The following ZNF473 variants were observed in gnomAD, a reference collection of about 807,000 sequenced individuals.
The protein encoded by ZNF473 is zinc finger protein 100 homolog.
Under a neutral mutation model 11.1 loss-of-function variants are expected in ZNF473, and 4 were observed. The observed-to-expected ratio is 0.36, with a 90% confidence interval of 0.18 to 0.82. The LOEUF (loss-of-function observed/expected upper bound fraction) is 0.82, where lower values mean the gene tolerates loss of function less well. Among genes scored for constraint, ZNF473 ranks in the 40% least tolerant of loss-of-function variants. The pLI, the probability that ZNF473 is intolerant of heterozygous loss-of-function variation, is 0.49. For missense variants in ZNF473, 854 were observed against 1,084.0 expected (o/e 0.79, Z 2.98); for synonymous variants, 404 against 390.4 (o/e 1.03, Z -0.41).
chr19:50,028,868 A>C (rs1190366110), intron 1 of ZNF473, among the ~76,000 whole-genome samples: 4 of 152,226 alleles, frequency 2.6e-5, no homozygotes, highest in Non-Finnish European at 5.9e-5. Context: ...TTAACCTCTG[A>C]CATGTAGAAA....
intron 2 of ZNF473, among the ~76,000 whole-genome samples, chr19:50,033,513 C>T (rs1042944659): frequency 2.0e-5 from 3 of 152,126 alleles, no homozygotes; most frequent in Non-Finnish European, 2.9e-5. Context: ...AACAGGATCC[C>T]CCTTGCTCGT....
At chr19:50,033,576 C>A (rs2077328971) in intron 2 of ZNF473, among the ~76,000 whole-genome samples, 1 of 152,182 alleles carries the variant, frequency 6.6e-6, no homozygotes, top group Non-Finnish European at 1.5e-5. Flanking sequence ...CAGGGTCTTA[C>A]TGCTGCTGTA....
intron 1 of ZNF473, among the ~76,000 whole-genome samples, chr19:50,027,599 A>C (rs2077293230): frequency 6.6e-6 from 1 of 152,136 alleles, no homozygotes; most frequent in African/African-American, 2.4e-5. Context: ...TCTCAAGCTC[A>C]GCTGTCTGTG....
Position 50,044,907 on chromosome 19 carries a change from G to A in ZNF473, c.464G>A (p.Gly155Glu), listed in dbSNP as rs753646052. The change falls in exon 5 of 5, where the codon GGA becomes GAA. Residue 155 changes from glycine to glutamate, a missense_variant. Physicochemically the swap from Gly to Glu is moderately conservative, Grantham distance 98. Transcript: ENST00000270617. ...TGCAAGAGTCATGAATTAAAGAGAG[G>A]ACTCAGTCCTGTGTCCACCGTTTCC... ...TECKSHELKR[G>E]LSPVSTVSTG... The A allele has an allele frequency of 3.8e-5, 62 of 1,614,076 alleles. No individual in the cohort carries two copies. Among genetic ancestry groups the A allele is most frequent in the Non-Finnish European group, 1.3e-5 (15 of 1,180,052 alleles).
Position 50,045,939 on chromosome 19 carries a change from A to G in ZNF473, c.1496A>G (p.Asn499Ser). Residue 499 changes from asparagine to serine, a missense_variant, in exon 5 of 5, where the codon AAC (asparagine) becomes AGC (serine). Asn to Ser is a conservative substitution (Grantham distance 46, BLOSUM62 1). Transcript: ENST00000270617. Reference sequence around the variant, plus strand: ...GAATGCAAGGAGACTTTCAGCGATAACAATCGCCTTGTGCAACACCAGAAA... The same window carrying G: ...GAATGCAAGGAGACTTTCAGCGATAGCAATCGCCTTGTGCAACACCAGAAA... Reference protein sequence around the residue: ...CAECKETFSDNNRLVQHQKMH... With the variant: ...CAECKETFSDSNRLVQHQKMH... 2 of 1,614,226 alleles carry G rather than the reference A, an allele frequency of 1.2e-6. No individual in the cohort carries two copies. The highest frequency in any genetic ancestry group is 1.7e-6 in the Non-Finnish European group (2 of 1,180,030).
chr19:50,046,873 G>A lies in ZNF473; in HGVS notation c.2430G>A (p.Gly810=). 1 of 1,614,190 alleles carries A rather than the reference G, an allele frequency of 6.2e-7. No individual in the cohort carries two copies. ...NLTQHQRIHT[G]EKPYSCNVCG... is the part of the protein sequence containing the mutation. The stretch of plus-strand genomic sequence containing the variant: ...CACAGCACCAGAGAATTCACACAGG[G>A]GAGAAGCCTTACTCCTGTAATGTGT... The change falls in exon 5 of 5, where the codon GGG becomes GGA. Residue 810 remains glycine (G), a synonymous_variant. Transcript: ENST00000270617. The surrounding 1 kb of genome is among the most constrained non-coding windows in gnomAD (Gnocchi z 5.9).
At position 50,039,179 on chromosome 19, in the gene ZNF473, G is replaced by A. The variant is rs774104311; in HGVS notation, c.28G>A (p.Asp10Asn). 1.9e-6 allele frequency: 3 copies of A among 1,614,134 alleles called. No homozygotes were observed. Among genetic ancestry groups the A allele is most frequent in the Middle Eastern group, 3.3e-4 (2 of 6,062 alleles). The part of the protein sequence containing the change: MAEEFVTLK[D>N]VGMDFTLGDW... ...GTTTCAGGAATTTGTGACCCTCAAG[G>A]ATGTCGGCATGGACTTCACCTTGGG... The change falls in exon 3 of 5, where the codon GAT (aspartate) becomes AAT (asparagine). Residue 10 changes from aspartate (D) to asparagine (N), a missense_variant. Physicochemically the swap from Asp to Asn is conservative, Grantham distance 23 (BLOSUM62 1). Coordinates refer to ENST00000270617, the MANE Select transcript of ZNF473 (RefSeq NM_015428.4). The surrounding 1 kb of genome is among the most constrained non-coding windows in gnomAD (Gnocchi z 4.8).
chr19:50,043,474 T>G, intron 4 of ZNF473: 1 of 132,236 alleles, frequency 7.6e-6, no homozygotes, highest in African/African-American at 2.7e-5. Flanking sequence ...TATATATATA[T>G]AGTCAGAGGG....
chr19:50,026,791 A>G (rs1317000683), intron 1 of ZNF473, among the ~76,000 whole-genome samples: 2 of 152,054 alleles, frequency 1.3e-5, no homozygotes, highest in African/African-American at 4.8e-5. Flanking sequence ...CAGTGAGCTG[A>G]GAAAGAAAAG....
intron 2 of ZNF473, among the ~76,000 whole-genome samples, chr19:50,036,057 A>C (rs78682540): frequency 0.052 from 7,930 of 151,914 alleles, 688 homozygotes; most frequent in African/African-American, 0.18. Context: ...CCTGGGCTCA[A>C]GTGATCCTCC....
chr19:50,040,844 TGTGTGCTAA>T (rs1479105694), intron 3 of ZNF473, among the ~76,000 whole-genome samples: 1 of 152,260 alleles, frequency 6.6e-6, no homozygotes, highest in African/African-American at 2.4e-5. Context: ...GACTGGCCAG[TGTGTGCTAA>T]GAAGCATCTC....
intron 4 of ZNF473, 42 bp downstream of exon 4, chr19:50,041,861 C>G (rs754259702): frequency 2.0e-6 from 3 of 1,515,952 alleles, no homozygotes; most frequent in Non-Finnish European, 2.7e-6. Flanking sequence ...CTTCTGTCTT[C>G]CAGACCTCCA....
At chr19:50,026,363 A>AGTT (rs2077275451) in intron 1 of ZNF473, among the ~76,000 whole-genome samples, 1 of 152,064 alleles carries the variant, frequency 6.6e-6, no homozygotes, top group Non-Finnish European at 1.5e-5. Flanking sequence ...TACAGCCAGG[A>AGTT]GTTCCTCGAA....
In ZNF473 at chr19:50,045,691, T is replaced by TA; in HGVS notation, c.1249dup (p.Thr417AsnfsTer19). The TA allele has an allele frequency of 6.2e-7, 1 of 1,614,132 alleles. No homozygotes were observed. The highest frequency in any genetic ancestry group is 1.1e-5 in the South Asian group (1 of 91,084). On this transcript the variant is annotated frameshift_variant, in exon 5 of 5. Coordinates refer to ENST00000270617, the MANE Select transcript of ZNF473 (RefSeq NM_015428.4). LOFTEE classifies it low-confidence loss of function (END_TRUNC). Reference sequence around the variant, plus strand: ...GTGGGAAATCCTTCAGGCATAACTCTACCCTAAAGATCCATCAGAGGGTTC... The same window carrying TA: ...GTGGGAAATCCTTCAGGCATAACTCTAACCCTAAAGATCCATCAGAGGGTTC...
intron 1 of ZNF473, among the ~76,000 whole-genome samples, chr19:50,027,987 C>T (rs188483074): frequency 6.6e-6 from 1 of 152,162 alleles, no homozygotes; most frequent in Admixed American, 6.5e-5. Context: ...CTGCACCCAG[C>T]CGCTTTTTAA....
chr19:50,046,011 G>A lies in ZNF473; in HGVS notation c.1568G>A (p.Arg523His), dbSNP rs1979094149. The A allele has an allele frequency of 4.3e-6, 7 of 1,614,172 alleles. No individual in the cohort carries two copies. The highest frequency in any genetic ancestry group is 1.6e-4 in the Middle Eastern group (1 of 6,062). The change falls in exon 5 of 5, where the codon CGC (arginine) becomes CAC (histidine). Residue 523 changes from arginine (R) to histidine (H), a missense_variant. Around this residue, in one of 2 missense-constraint regions of ZNF473, gnomAD observed 668 missense variants for 790.2 expected, o/e 0.85. Coordinates refer to ENST00000270617, the MANE Select transcript of ZNF473 (RefSeq NM_015428.4). This position sits in a 1 kb window ranked among gnomAD's most constrained non-coding sequence, Gnocchi z 5.9. Reference sequence around the variant, plus strand: ...TATGAATGTCAGGAGTGCGGAGAACGCTTCATTTGCGGCTCAACCCTGAAG... The same window carrying A: ...TATGAATGTCAGGAGTGCGGAGAACACTTCATTTGCGGCTCAACCCTGAAG... ...TPYECQECGE[R>H]FICGSTLKCH...
At position 50,044,951 on chromosome 19, in the gene ZNF473, G is replaced by C; in HGVS notation, c.508G>C (p.Val170Leu). Residue 170 changes from valine (V) to leucine (L), a missense_variant, in exon 5 of 5, where the codon GTG (valine) becomes CTG (leucine). Around this residue, in one of 2 missense-constraint regions of ZNF473, gnomAD observed 668 missense variants for 790.2 expected, o/e 0.85. Transcript: ENST00000270617. Reference sequence around the variant, plus strand: ...CGTTTCCACGGGAGAAGATTCCATGGTGCATAATGTTTCTGAAAAGACCCT... The same window carrying C: ...CGTTTCCACGGGAGAAGATTCCATGCTGCATAATGTTTCTGAAAAGACCCT... ...STVSTGEDSM[V>L]HNVSEKTLTP... is the part of the protein sequence containing the mutation. 1 of 1,614,204 alleles carries C rather than the reference G, an allele frequency of 6.2e-7. No homozygotes were observed. Among genetic ancestry groups the C allele is most frequent in the South Asian group, 1.1e-5 (1 of 91,086 alleles).
chr19:50,040,452 T>G (rs1453523487), intron 3 of ZNF473: 3 of 152,282 alleles, frequency 2.0e-5, no homozygotes, highest in Non-Finnish European at 4.4e-5. Context: ...GCCACCGTGT[T>G]TGCACAGTTT....
chr19:50,031,203 A>G (rs928238015), intron 2 of ZNF473, 112 bp downstream of exon 2: 43 of 1,417,308 alleles, frequency 3.0e-5, no homozygotes, highest in Non-Finnish European at 3.8e-5. Flanking sequence ...GGTCACCCCC[A>G]TGGCAGGAAA....
Sources: allele counts gnomAD v4.1 joint callset (sites outside exome capture counted in the v4.1 genomes callset), GRCh38; gene constraint gnomAD v4.1.1; regional missense constraint gnomAD v4.1.1; non-coding constraint Gnocchi (gnomAD v3.1); transcripts MANE v1.5; gene names NCBI Gene and HGNC (gene_info 2026-07-23, HGNC 2026-07-21).